The following PITPNC1 variants were observed in gnomAD, a reference collection of about 807,000 sequenced individuals.
The protein encoded by PITPNC1 is cytoplasmic phosphatidylinositol transfer protein 1.
PITPNC1 carries 18 observed loss-of-function variants against 44.7 expected under a neutral mutation model. The ratio of observed to expected loss-of-function variants is 0.40; its 90% confidence interval spans 0.28 to 0.60. PITPNC1 has a LOEUF of 0.60. Ranked by LOEUF, PITPNC1 falls within the 20% of genes least tolerant of loss-of-function variation. PITPNC1 has a pLI of 0.39. For missense variants in PITPNC1, 290 were observed against 418.4 expected, an observed-to-expected ratio of 0.69 and a Z score of 2.68; for synonymous variants, 141 against 149.6, an observed-to-expected ratio of 0.94 and a Z score of 0.42.
At chr17:67,500,478 G>A (rs1220675141) in intron 1 of PITPNC1, among the ~76,000 whole-genome samples, 1 of 152,086 alleles carries the variant, frequency 6.6e-6, no homozygotes, top group Admixed American at 6.6e-5. Context: ...ATTGCCAGGG[G>A]CCTCGAGGAA....
intron 5 of PITPNC1, among the ~76,000 whole-genome samples, chr17:67,628,864 A>C (rs547897731): frequency 6.6e-6 from 1 of 152,318 alleles, no homozygotes; most frequent in African/African-American, 2.4e-5. Flanking sequence ...CCCCACAGGC[A>C]CACTCTGCAG....
chr17:67,514,319 A>G (rs576471243), intron 1 of PITPNC1, among the ~76,000 whole-genome samples: 5 of 151,260 alleles, frequency 3.3e-5, no homozygotes, highest in Non-Finnish European at 7.4e-5. Flanking sequence ...TCCAGCCTCA[A>G]CCTCCGAGTA....
At chr17:67,654,617 C>A (rs1216779008) in intron 6 of PITPNC1, among the ~76,000 whole-genome samples, 1 of 152,124 alleles carries the variant, frequency 6.6e-6, no homozygotes, top group Non-Finnish European at 1.5e-5. Context: ...TTAAGTCTTG[C>A]AACAACCCGC....
intron 1 of PITPNC1, among the ~76,000 whole-genome samples, chr17:67,446,415 G>GAA (rs879363223): frequency 1.5e-5 from 2 of 135,596 alleles, no homozygotes; most frequent in East Asian, 4.1e-4. Context: ...TCTGTTTTCA[G>GAA]AAAAAAAAAA....
chr17:67,631,038 T>TGTG, intron 5 of PITPNC1, among the ~76,000 whole-genome samples: 1 of 137,870 alleles, frequency 7.3e-6, no homozygotes, highest in Middle Eastern at 3.6e-3. Context: ...ATATTGCGGC[T>TGTG]GTGTTGTTGT....
intron 1 of PITPNC1, among the ~76,000 whole-genome samples, chr17:67,474,852 CTG>C (rs2039604003): frequency 6.6e-6 from 1 of 151,696 alleles, no homozygotes; most frequent in South Asian, 2.1e-4. Context: ...GGGGGACTCA[CTG>C]TGTTGCTCAG....
chr17:67,422,032 A>C lies in PITPNC1; in HGVS notation c.48+43830A>C, dbSNP rs16960845. Among the ~76,000 whole-genome samples, 699 of 152,312 alleles carry C rather than the reference A, an allele frequency of 4.6e-3. 7 individuals carry two copies. Among genetic ancestry groups the C allele is most frequent in the African/African-American group, 0.016 (676 of 41,562 alleles). On this transcript the variant is annotated intron_variant, in intron 1 of 8. Transcript: ENST00000581322. ...GTGCGAGATGAGCCAAGAATCTGTG[A>C]ACCCTTAGAACTCAGGCAAGGTGAG... is the stretch of plus-strand genomic sequence containing the variant.
chr17:67,642,906 G>A (rs935123348), intron 6 of PITPNC1, among the ~76,000 whole-genome samples: 3 of 152,072 alleles, frequency 2.0e-5, no homozygotes, highest in East Asian at 1.9e-4. Context: ...TGGCATGAAT[G>A]ATGTTCCCCA....
chr17:67,533,588 G>T (rs2040491927), intron 2 of PITPNC1, among the ~76,000 whole-genome samples: 1 of 152,246 alleles, frequency 6.6e-6, no homozygotes, highest in South Asian at 2.1e-4. Flanking sequence ...CCTATATGCT[G>T]TGGACAAGTA....
intron 1 of PITPNC1, among the ~76,000 whole-genome samples, chr17:67,398,397 TGAA>T (rs2143815215): frequency 6.6e-6 from 1 of 152,112 alleles, no homozygotes; most frequent in East Asian, 1.9e-4. Context: ...TCGAGATGCT[TGAA>T]GAAGTGGTAA....
chr17:67,485,194 G>T (rs1354746636), intron 1 of PITPNC1, among the ~76,000 whole-genome samples: 1 of 151,936 alleles, frequency 6.6e-6, no homozygotes, highest in East Asian at 1.9e-4. Flanking sequence ...GCATGTGTTT[G>T]GTTCCCGGTG....
intron 1 of PITPNC1, among the ~76,000 whole-genome samples, chr17:67,489,497 T>A (rs1193608327): frequency 6.6e-6 from 1 of 152,204 alleles, no homozygotes; most frequent in East Asian, 1.9e-4. Flanking sequence ...AAATCAATGA[T>A]GTTTCATGTT....
chr17:67,597,757 T>A lies in PITPNC1; in HGVS notation c.366+19500T>A, dbSNP rs2041478846. ...TTAGGCTGGTGGAAGGGACAGGTAC[T>A]CTCATTGCAAGGCAGTGGGGTAGGC... On this transcript the variant is annotated intron_variant, in intron 5 of 8. Coordinates refer to ENST00000581322, the MANE Select transcript of PITPNC1 (RefSeq NM_012417.4). This position sits in a 1 kb window ranked among gnomAD's most constrained non-coding sequence, Gnocchi z 4.0. Among the ~76,000 whole-genome samples, 1 of 152,158 alleles carries A rather than the reference T, an allele frequency of 6.6e-6. No homozygotes were observed. The highest frequency in any genetic ancestry group is 6.5e-5 in the Admixed American group (1 of 15,278).
chr17:67,686,051 G>A (rs1046003015), intron 8 of PITPNC1, among the ~76,000 whole-genome samples: 25 of 151,644 alleles, frequency 1.6e-4, no homozygotes, highest in African/African-American at 5.8e-4. Context: ...GGCTGGTCTT[G>A]AACTCCTGAC....
chr17:67,573,636 C>T (rs1367276561), intron 4 of PITPNC1, among the ~76,000 whole-genome samples: 1 of 145,470 alleles, frequency 6.9e-6, no homozygotes, highest in Non-Finnish European at 1.5e-5. Context: ...AACCTCAGCT[C>T]ACTACAACCC....
At chr17:67,565,866 G>A (rs924741123) in intron 4 of PITPNC1, among the ~76,000 whole-genome samples, 2 of 146,950 alleles carry the variant, frequency 1.4e-5, no homozygotes, top group Non-Finnish European at 3.0e-5. Context: ...GTTTTTCCAT[G>A]TTTTTTCGGT....
intron 2 of PITPNC1, among the ~76,000 whole-genome samples, chr17:67,547,508 C>T (rs1363569514): frequency 6.6e-6 from 1 of 152,004 alleles, no homozygotes; most frequent in African/African-American, 2.4e-5. Context: ...AGAGCGAGAC[C>T]CTGTCTCAAA....
At chr17:67,536,031 T>C (rs1327514569) in intron 2 of PITPNC1, among the ~76,000 whole-genome samples, 1 of 152,198 alleles carries the variant, frequency 6.6e-6, no homozygotes, top group Non-Finnish European at 1.5e-5. Context: ...AAGGATGTGC[T>C]GTAAGAAAGA....
At chr17:67,542,483 A>G (rs1192409985) in intron 2 of PITPNC1, among the ~76,000 whole-genome samples, 2 of 152,168 alleles carry the variant, frequency 1.3e-5, no homozygotes, top group Non-Finnish European at 1.5e-5. Context: ...TTAAACGAGT[A>G]TTTGCTGAAA....
Sources: gnomAD v4.1 joint callset for allele counts (sites outside exome capture counted in the v4.1 genomes callset) on GRCh38, gnomAD v4.1.1 for gene constraint, Gnocchi (gnomAD v3.1) non-coding constraint, MANE v1.5 for transcripts, NCBI Gene and HGNC (gene_info 2026-07-23, HGNC 2026-07-21) for gene names.